The following SLC39A8 variants were observed in gnomAD, a reference collection of about 807,000 sequenced individuals.
SLC39A8 encodes metal cation symporter ZIP8.
A neutral mutation model predicts 40.4 loss-of-function variants in SLC39A8; 15 were observed. That is an observed-to-expected ratio of 0.37 (90% confidence interval 0.25 to 0.57). The LOEUF is 0.57. Ranked by LOEUF, SLC39A8 falls within the 20% of genes least tolerant of loss-of-function variation. SLC39A8 has a pLI of 0.75. For synonymous variants in SLC39A8, 223 were observed against 221.6 expected (o/e 1.01, Z -0.06); for missense variants, 472 against 558.8 (o/e 0.84, Z 1.57).
chr4:102,270,602 T>A (rs1237952146), intron 6 of SLC39A8, among the ~76,000 whole-genome samples: 1 of 152,230 alleles, frequency 6.6e-6, no homozygotes, highest in Non-Finnish European at 1.5e-5. Flanking sequence ...ACTCTAAATA[T>A]GAGGCTATTT....
intron 2 of SLC39A8, among the ~76,000 whole-genome samples, chr4:102,336,751 T>C (rs1735687413): frequency 6.6e-6 from 1 of 152,172 alleles, no homozygotes; most frequent in Non-Finnish European, 1.5e-5. Context: ...TTTTCTATGC[T>C]CCCAAATCCT....
At chr4:102,270,656 A>T (rs538015617) in intron 6 of SLC39A8, among the ~76,000 whole-genome samples, 2 of 152,320 alleles carry the variant, frequency 1.3e-5, no homozygotes, top group South Asian at 4.1e-4. Flanking sequence ...GTGAAAAGAC[A>T]CTAAGTCTGG....
chr4:102,262,168 T>C lies in SLC39A8; in HGVS notation c.*876A>G. ...ATATTCTCTGCTAAATAGTTATGTTTGTCTTTAAAAGTAAATTGCATAAAA... is the reference window on the plus strand; with the variant it reads ...ATATTCTCTGCTAAATAGTTATGTTCGTCTTTAAAAGTAAATTGCATAAAA... On this transcript the variant is annotated 3_prime_UTR_variant, in exon 9 of 9. Coordinates refer to ENST00000356736, the MANE Select transcript of SLC39A8 (RefSeq NM_001135146.2). 1.0e-6 allele frequency: 1 copy of C among 985,916 alleles called. No individual in the cohort carries two copies. The highest frequency in any genetic ancestry group is 1.2e-6 in the Non-Finnish European group (1 of 829,848). 61.1% of individuals were successfully genotyped at this position (985,916 alleles called of 1,614,324 possible).
intron 2 of SLC39A8, among the ~76,000 whole-genome samples, chr4:102,344,045 A>T (rs1736050995): frequency 6.6e-6 from 1 of 152,160 alleles, no homozygotes; most frequent in Admixed American, 6.5e-5. Flanking sequence ...GCATGTGATA[A>T]TCTTCCTTGC....
At chr4:102,302,773 C>G (rs1733978008) in intron 6 of SLC39A8, among the ~76,000 whole-genome samples, 1 of 151,964 alleles carries the variant, frequency 6.6e-6, no homozygotes, top group Admixed American at 6.6e-5. Flanking sequence ...TTAGGAAGAT[C>G]AAATGAAGTA....
At chr4:102,330,564 T>C (rs1735405783) in intron 2 of SLC39A8, among the ~76,000 whole-genome samples, 1 of 152,160 alleles carries the variant, frequency 6.6e-6, no homozygotes, top group Non-Finnish European at 1.5e-5. Context: ...CAGGACTGGA[T>C]GGATTCACAG....
rs1732191667 is a variant in SLC39A8, at chr4:102,268,185, G to A, written c.841-106C>T. ...TTGAGAAAAACAAATTGTTCCAACA[G>A]AAAGTCTTTTAGAGTAACTAGGAAA... is the stretch of plus-strand genomic sequence containing the variant. On this transcript the variant is annotated intron_variant, in intron 6 of 8. Transcript: ENST00000356736. 6 of 1,186,918 alleles carry A rather than the reference G, an allele frequency of 5.1e-6. No individual in the cohort carries two copies. In the South Asian group the frequency reaches 8.0e-5, roughly 16 times the overall value. 73.5% of individuals were successfully genotyped at this position (1,186,918 alleles called of 1,614,324 possible). A position where few individuals can be genotyped will look rare whatever the true frequency, so the allele number is the denominator to read the frequency against.
downstream of SLC39A8, among the ~76,000 whole-genome samples, chr4:102,261,153 A>T (rs1731838226): frequency 6.6e-6 from 1 of 152,186 alleles, no homozygotes; most frequent in South Asian, 2.1e-4. Context: ...TATTTATTAT[A>T]GGGTTAACCT....
At chr4:102,314,597 C>A (rs1734579922) in intron 3 of SLC39A8, among the ~76,000 whole-genome samples, 1 of 152,056 alleles carries the variant, frequency 6.6e-6, no homozygotes, top group African/African-American at 2.4e-5. Context: ...CTCACTCATG[C>A]CAAGCTCATT....
intron 2 of SLC39A8, among the ~76,000 whole-genome samples, chr4:102,342,321 A>G (rs1735977118): frequency 6.6e-6 from 1 of 152,162 alleles, no homozygotes; most frequent in African/African-American, 2.4e-5. Flanking sequence ...ACCAACAGGG[A>G]GAAACCTCAT....
chr4:102,305,000 T>A lies in SLC39A8; in HGVS notation c.664A>T (p.Thr222Ser), dbSNP rs1734105550. ...FERMLKMLLK[T>S]YGQNGHTHFG... ...TAAAGTCCATTTACCTGACCATATG[T>A]CTTTAATAACATCTTTAGCATTCTT... Residue 222 changes from threonine (T) to serine (S), a missense_variant, in exon 5 of 9, where the codon ACA (threonine) becomes TCA (serine). Around this residue, in one of 4 missense-constraint regions of SLC39A8, gnomAD observed 239 missense variants for 317.9 expected, o/e 0.75. Coordinates refer to ENST00000356736, the MANE Select transcript of SLC39A8 (RefSeq NM_001135146.2). 1 of 1,604,430 alleles carries A rather than the reference T, an allele frequency of 6.2e-7. No homozygotes were observed. The highest frequency in any genetic ancestry group is 1.3e-5 in the African/African-American group (1 of 74,518).
At chr4:102,322,673 T>A (rs1425550570) in intron 2 of SLC39A8, among the ~76,000 whole-genome samples, 1 of 152,048 alleles carries the variant, frequency 6.6e-6, no homozygotes, top group Non-Finnish European at 1.5e-5. Flanking sequence ...AAATGAAATA[T>A]CATCCCATTC....
downstream of SLC39A8, among the ~76,000 whole-genome samples, chr4:102,258,938 G>A (rs1265298556): frequency 6.6e-6 from 1 of 152,046 alleles, no homozygotes; most frequent in Non-Finnish European, 1.5e-5. Flanking sequence ...CACACCACTC[G>A]GCTCACACTA....
At chr4:102,312,313 G>C (rs1204010925) in intron 3 of SLC39A8, among the ~76,000 whole-genome samples, 1 of 151,950 alleles carries the variant, frequency 6.6e-6, no homozygotes, top group Non-Finnish European at 1.5e-5. Flanking sequence ...CAATTCCTAA[G>C]ACAATATGCA....
intron 2 of SLC39A8, among the ~76,000 whole-genome samples, chr4:102,321,447 T>C (rs1051731820): frequency 1.1e-4 from 16 of 152,192 alleles, no homozygotes; most frequent in Non-Finnish European, 1.9e-4. Flanking sequence ...TCAGTTCCTG[T>C]GTTTGTGACC....
At position 102,262,344 on chromosome 4, in the gene SLC39A8, C is replaced by A; in HGVS notation, c.*700G>T. ...CAACATAAGTCAGAAAAAAAGCTAT[C>A]CAGCTTTTCGTGGAATCTGGTGAAG... On this transcript the variant is annotated 3_prime_UTR_variant, in exon 9 of 9. Transcript: ENST00000356736. 1 of 985,532 alleles carries A rather than the reference C, an allele frequency of 1.0e-6. No individual in the cohort carries two copies. The highest frequency in any genetic ancestry group is 5.2e-4 in the Middle Eastern group (1 of 1,914). The allele number at this position is 985,532 out of a possible 1,614,324, so 61.0% of individuals were successfully genotyped here.
chr4:102,307,391 C>T, intron 4 of SLC39A8, 45 bp downstream of exon 4: 1 of 1,597,464 alleles, frequency 6.3e-7, no homozygotes, highest in Non-Finnish European at 8.5e-7. Context: ...CTAAAACGTT[C>T]AAAAGAAACA....
At chr4:102,318,463 C>A (rs1208813025) in intron 2 of SLC39A8, among the ~76,000 whole-genome samples, 1 of 152,148 alleles carries the variant, frequency 6.6e-6, no homozygotes, top group African/African-American at 2.4e-5. Context: ...GTGGAATGAA[C>A]ACAATTTTGG....
intron 3 of SLC39A8, among the ~76,000 whole-genome samples, chr4:102,313,869 T>G (rs1365908804): frequency 6.6e-6 from 1 of 152,062 alleles, no homozygotes; most frequent in East Asian, 1.9e-4. Flanking sequence ...ATTACAGGGA[T>G]GAGTCACCGT....
Sources: allele counts gnomAD v4.1 joint callset (sites outside exome capture counted in the v4.1 genomes callset), GRCh38; gene constraint gnomAD v4.1.1; regional missense constraint gnomAD v4.1.1; transcripts MANE v1.5; gene names NCBI Gene and HGNC (gene_info 2026-07-23, HGNC 2026-07-21).